P4HA2: variants seen among roughly 807,000 people sequenced by gnomAD.
P4HA2 encodes prolyl 4-hydroxylase subunit alpha-2.
P4HA2 carries 46 observed loss-of-function variants against 76.9 expected under a neutral mutation model. The ratio of observed to expected loss-of-function variants is 0.60; its 90% CI spans 0.47 to 0.76. The LOEUF (loss-of-function observed/expected upper bound fraction) is 0.76. Ranked by LOEUF, P4HA2 falls within the 30% of genes least tolerant of loss-of-function variation. P4HA2 has a pLI of 0.00. For synonymous variants in P4HA2, 243 were observed against 254.0 expected (o/e 0.96, Z 0.41); for missense variants, 583 against 669.4 (o/e 0.87, Z 1.42).
intron 8 of P4HA2, among the ~76,000 whole-genome samples, chr5:132,204,664 C>A (rs936710197): frequency 3.3e-5 from 5 of 152,204 alleles, no homozygotes; most frequent in African/African-American, 1.2e-4. Context: ...CACTCTCCTG[C>A]TGCACCACCT....
At position 132,198,334 on chromosome 5, in the gene P4HA2, G is replaced by T. The variant is rs62384125; in HGVS notation, c.1352C>A (p.Thr451Lys). The part of the protein sequence containing the change: ...GLKTEGNRLA[T>K]FLNYMSDVEA... Reference sequence around the variant, plus strand: ...CCCAGTACTTACGTAGTTAAGAAACGTCGCTAACCTATTCCCCTCTGTTTT... The same window carrying T: ...CCCAGTACTTACGTAGTTAAGAAACTTCGCTAACCTATTCCCCTCTGTTTT... Residue 451 changes from threonine (T) to lysine (K), a missense_variant, in exon 12 of 15, where the codon ACG (threonine) becomes AAG (lysine). Transcript: ENST00000360568. 1 of 1,614,070 alleles carries T rather than the reference G, an allele frequency of 6.2e-7. No homozygotes were observed. Among genetic ancestry groups the T allele is most frequent in the Non-Finnish European group, 8.5e-7 (1 of 1,180,024 alleles).
At chr5:132,216,757 G>T (rs555115360) in intron 4 of P4HA2, among the ~76,000 whole-genome samples, 4 of 152,270 alleles carry the variant, frequency 2.6e-5, no homozygotes, top group African/African-American at 9.6e-5. Context: ...AACTGAGTTT[G>T]CATGCCCTGG....
At chr5:132,196,938 AAG>A (rs1323850221) in intron 12 of P4HA2, among the ~76,000 whole-genome samples, 1 of 152,008 alleles carries the variant, frequency 6.6e-6, no homozygotes, top group Middle Eastern at 3.2e-3. Context: ...CCTCAAGCAC[AAG>A]AGAGACCACA....
intron 3 of P4HA2, 74 bp downstream of exon 3, chr5:132,217,678 T>C (rs1318937970): frequency 3.1e-6 from 3 of 958,288 alleles, no homozygotes; most frequent in Non-Finnish European, 5.2e-6. Flanking sequence ...ATAGGCACCC[T>C]GGATGGCTTC....
chr5:132,213,820 C>T, intron 5 of P4HA2, 96 bp downstream of exon 5: 1 of 1,180,180 alleles, frequency 8.5e-7, no homozygotes, highest in East Asian at 2.3e-5. Context: ...CAGAGGTGCA[C>T]CCGAGGTTAA....
chr5:132,203,666 G>A (rs1056585720), intron 10 of P4HA2, 82 bp downstream of exon 10: 1 of 845,536 alleles, frequency 1.2e-6, no homozygotes. Context: ...GGGCCTCTTG[G>A]CCCAGTTCTG....
intron 5 of P4HA2, 63 bp downstream of exon 5, chr5:132,213,853 C>T: frequency 6.4e-7 from 1 of 1,557,772 alleles, no homozygotes; most frequent in Non-Finnish European, 8.8e-7. Flanking sequence ...GGTGGTGGCT[C>T]CAACCTGTCC....
chr5:132,193,062 T>C lies in P4HA2; in HGVS notation c.1550A>G (p.His517Arg). The change falls in exon 15 of 15, where the codon CAT (histidine) becomes CGT (arginine). Residue 517 changes from histidine (H) to arginine (R), a missense_variant. Transcript: ENST00000360568. The stretch of plus-strand genomic sequence containing the variant: ...TCTCAAGAACTCCTGTCCTCGTTCA[T>C]GGAACCACTTATTGGAGACTGTGAA... ...GCKWVSNKWFHERGQEFLRPC... is the reference protein window; with the variant it reads ...GCKWVSNKWFRERGQEFLRPC... 3 of 1,612,692 alleles carry C rather than the reference T, an allele frequency of 1.9e-6. No individual in the cohort carries two copies. Among genetic ancestry groups the C allele is most frequent in the Non-Finnish European group, 2.5e-6 (3 of 1,178,636 alleles).
intron 1 of P4HA2, chr5:132,227,277 T>C (rs1349651181): frequency 6.6e-6 from 1 of 152,284 alleles, no homozygotes; most frequent in Non-Finnish European, 1.5e-5. Context: ...GAAAAGACTT[T>C]CTGATCCAAT....
chr5:132,210,533 G>T lies in P4HA2; in HGVS notation c.470-10C>A, dbSNP rs1194594570. On this transcript the variant is annotated splice_polypyrimidine_tract_variant and intron_variant, in intron 5 of 14. Coordinates refer to ENST00000360568, the MANE Select transcript of P4HA2 (RefSeq NM_001017974.2). ...GCCTGGTACTTGGTTCCTACAGCAGGGGAAGTAAATTGTCAGGCTCCAAAG... is the reference window on the plus strand; with the variant it reads ...GCCTGGTACTTGGTTCCTACAGCAGTGGAAGTAAATTGTCAGGCTCCAAAG... 6.2e-7 allele frequency: 1 copy of T among 1,613,658 alleles called. No homozygotes were observed. Among genetic ancestry groups the T allele is most frequent in the African/African-American group, 1.3e-5 (1 of 74,888 alleles).
chr5:132,223,001 C>T (rs1170684486), intron 1 of P4HA2, among the ~76,000 whole-genome samples: 1 of 152,216 alleles, frequency 6.6e-6, no homozygotes, highest in African/African-American at 2.4e-5. Context: ...ATATTGGATG[C>T]ATCTTACGTC....
At chr5:132,220,745 C>T (rs1040305900) in intron 1 of P4HA2, among the ~76,000 whole-genome samples, 4 of 152,148 alleles carry the variant, frequency 2.6e-5, no homozygotes, top group Admixed American at 2.0e-4. Context: ...GGAGGCAGAG[C>T]CTCAAAGAAT....
At chr5:132,198,288 G>A in intron 12 of P4HA2, 33 bp downstream of exon 12, 1 of 1,614,202 alleles carries the variant, frequency 6.2e-7, no homozygotes, top group South Asian at 1.1e-5. Context: ...AATTAAGTGA[G>A]AATGAACAGG....
At chr5:132,208,540 C>T (rs1422549837) in intron 7 of P4HA2, among the ~76,000 whole-genome samples, 2 of 151,536 alleles carry the variant, frequency 1.3e-5, no homozygotes, top group African/African-American at 4.9e-5. Flanking sequence ...CCCAAAATCA[C>T]CTCACATCCT....
At chr5:132,210,595 G>A (rs1752944876) in intron 5 of P4HA2, 72 bp from the exon 6 acceptor site, 1 of 1,532,594 alleles carries the variant, frequency 6.5e-7, no homozygotes, top group Non-Finnish European at 9.0e-7. Context: ...CCACTTCAAG[G>A]AAAGCCTGAG....
In P4HA2 at chr5:132,203,852, G is replaced by A; in HGVS notation, c.1152-5C>T. 1 of 1,608,982 alleles carries A rather than the reference G, an allele frequency of 6.2e-7. No individual in the cohort carries two copies. The highest frequency in any genetic ancestry group is 8.5e-7 in the Non-Finnish European group (1 of 1,175,544). On this transcript the variant is annotated splice_polypyrimidine_tract_variant and splice_region_variant and intron_variant, in intron 9 of 14. Transcript: ENST00000360568. ...TCATCTTCCTCTAGCCAGGAGCTGG[G>A]CAAAAAGAAAAGGGCAGAGAAAAGA...
chr5:132,223,556 A>G (rs1754921948), intron 1 of P4HA2, among the ~76,000 whole-genome samples: 1 of 152,210 alleles, frequency 6.6e-6, no homozygotes, highest in South Asian at 2.1e-4. Flanking sequence ...GCCATCGCAC[A>G]GGCCTGCACC....
chr5:132,226,438 G>A (rs1487411073), intron 1 of P4HA2, among the ~76,000 whole-genome samples: 2 of 152,146 alleles, frequency 1.3e-5, no homozygotes, highest in African/African-American at 4.8e-5. Context: ...ACAGTCTTGG[G>A]AGGGATCCCA....
chr5:132,201,472 G>C (rs984310488), intron 10 of P4HA2: 1 of 152,190 alleles, frequency 6.6e-6, no homozygotes, highest in Non-Finnish European at 1.5e-5. Flanking sequence ...CATACCACAA[G>C]CATTTCATAT....
Sources: gnomAD v4.1 joint callset for allele counts (sites outside exome capture counted in the v4.1 genomes callset) on GRCh38, gnomAD v4.1.1 for gene constraint, MANE v1.5 for transcripts, NCBI Gene and HGNC (gene_info 2026-07-23, HGNC 2026-07-21) for gene names.